Variants in SOX6 observed in about 807,000 individuals in gnomAD.
The protein encoded by SOX6 is SRY-box transcription factor 6, also known as transcription factor SOX-6.
SOX6 carries 11 observed loss-of-function variants against 97.8 expected under a neutral mutation model. The ratio of observed to expected loss-of-function variants is 0.11; its 90% CI spans 0.07 to 0.19. The LOEUF is 0.19. SOX6 is among the 10% of genes least tolerant of loss of function. SOX6 has a pLI of 1.00. For missense variants in SOX6, 810 were observed against 1,039.5 expected (o/e 0.78, Z 3.04); for synonymous variants, 360 against 371.4 (o/e 0.97, Z 0.35).
At chr11:16,123,482 G>C (rs536379353) in intron 6 of SOX6, among the ~76,000 whole-genome samples, 6 of 152,086 alleles carry the variant, frequency 3.9e-5, no homozygotes, top group South Asian at 4.1e-4. Context: ...GGGAGATAAA[G>C]TAAGGCAATA....
chr11:16,564,097 A>G (rs1224981132), intron 4 of SOX6, among the ~76,000 whole-genome samples: 1 of 152,228 alleles, frequency 6.6e-6, no homozygotes, highest in East Asian at 1.9e-4. Flanking sequence ...CACTCTAAAA[A>G]AAATGACTAA....
chr11:16,210,006 T>C (rs1293877269), intron 4 of SOX6, among the ~76,000 whole-genome samples: 1 of 152,122 alleles, frequency 6.6e-6, no homozygotes, highest in Non-Finnish European at 1.5e-5. Flanking sequence ...TAAGACAGTA[T>C]GTGGAGAAAG....
intron 3 of SOX6, among the ~76,000 whole-genome samples, chr11:16,277,282 A>T (rs867766263): frequency 1.3e-5 from 2 of 152,074 alleles, no homozygotes; most frequent in South Asian, 2.1e-4. Context: ...AGAAGAAGAG[A>T]TCTCCCTCTT....
At chr11:16,478,286 T>C (rs2133122389), upstream of SOX6, among the ~76,000 whole-genome samples, 1 of 152,322 alleles carries the variant, frequency 6.6e-6, no homozygotes, top group South Asian at 2.1e-4. Context: ...GCAAGATACA[T>C]GATACATCCT....
At chr11:16,191,700 A>G (rs1000354600) in intron 4 of SOX6, among the ~76,000 whole-genome samples, 2 of 152,146 alleles carry the variant, frequency 1.3e-5, no homozygotes, top group African/African-American at 4.8e-5. Context: ...CACAAACCAC[A>G]AAAAGGGAAC....
chr11:16,187,064 G>T, intron 4 of SOX6, 109 bp from the exon 5 acceptor site: 1 of 1,244,204 alleles, frequency 8.0e-7, no homozygotes, highest in Non-Finnish European at 1.2e-6. Context: ...TTAAAGATCT[G>T]GGACAATGAC....
chr11:16,014,651 T>C (rs1854828285), intron 13 of SOX6, among the ~76,000 whole-genome samples: 1 of 152,144 alleles, frequency 6.6e-6, no homozygotes. Context: ...AGAATTCTGC[T>C]GTTCATTGAA....
intron 1 of SOX6, among the ~76,000 whole-genome samples, chr11:16,365,341 C>G (rs1355020141): frequency 7.6e-6 from 1 of 132,440 alleles, no homozygotes; most frequent in Admixed American, 7.7e-5. Flanking sequence ...GTGTATGTAT[C>G]TTGTATGGTA....
At chr11:16,465,800 A>G (rs1482427417) in intron 1 of SOX6, 2 of 152,250 alleles carry the variant, frequency 1.3e-5, no homozygotes, top group South Asian at 2.1e-4. Context: ...ACTTAAGTTT[A>G]TATCAAACTG....
intron 2 of SOX6, among the ~76,000 whole-genome samples, chr11:16,722,107 T>C (rs1328440301): frequency 6.6e-6 from 1 of 152,056 alleles, no homozygotes; most frequent in Non-Finnish European, 1.5e-5. Context: ...AATACCATCC[T>C]GGACATAAGA....
chr11:16,727,277 T>C lies in SOX6; in HGVS notation n.353+9062A>G, dbSNP rs370721483. Reference sequence around the variant, plus strand: ...AATATATGTACTTCACTTTATATGCTATATTCACCTTGCTTTTTTTTTTTT... The same window carrying C: ...AATATATGTACTTCACTTTATATGCCATATTCACCTTGCTTTTTTTTTTTT... On this transcript the variant is annotated intron_variant and non_coding_transcript_variant, in intron 2 of 5. Coordinates refer to the SOX6 transcript ENST00000524520. 6.7e-5 allele frequency among the ~76,000 whole-genome samples: 10 copies of C among 149,266 alleles called. No individual in the cohort carries two copies. The East Asian group carries it at 2.0e-3, about 29-fold the overall frequency.
chr11:16,107,009 G>A (rs1180009983), intron 7 of SOX6, among the ~76,000 whole-genome samples: 1 of 151,956 alleles, frequency 6.6e-6, no homozygotes, highest in Admixed American at 6.6e-5. Context: ...AATCATTAAG[G>A]AAATGTAAAT....
chr11:16,353,379 C>T (rs1856997126), intron 1 of SOX6, among the ~76,000 whole-genome samples: 1 of 152,050 alleles, frequency 6.6e-6, no homozygotes, highest in African/African-American at 2.4e-5. Context: ...TATATCCTAA[C>T]TTCTGAGGAA....
intron 13 of SOX6, among the ~76,000 whole-genome samples, chr11:15,995,961 T>C (rs191587109): frequency 7.9e-5 from 12 of 152,150 alleles, no homozygotes; most frequent in Admixed American, 3.3e-4. Context: ...CCAAAAGAGA[T>C]ATTCAAGGAA....
chr11:16,268,855 C>T (rs1260042748), intron 3 of SOX6, among the ~76,000 whole-genome samples: 1 of 150,588 alleles, frequency 6.6e-6, no homozygotes, highest in Non-Finnish European at 1.5e-5. Flanking sequence ...TATATATGGA[C>T]AAATATTTTC....
chr11:16,581,974 AAAAG>A (rs1386763374), intron 4 of SOX6, among the ~76,000 whole-genome samples: 131 of 152,020 alleles, frequency 8.6e-4, no homozygotes, highest in African/African-American at 2.0e-3. Flanking sequence ...AAAAAAAAAA[AAAAG>A]AAGAAGAAGA....
chr11:16,511,858 T>G (rs1860883823), intron 4 of SOX6, among the ~76,000 whole-genome samples: 1 of 152,082 alleles, frequency 6.6e-6, no homozygotes, highest in African/African-American at 2.4e-5. Context: ...CTAAGATGAG[T>G]TCCACACATT....
intron 2 of SOX6, among the ~76,000 whole-genome samples, chr11:16,321,389 T>C (rs1855922229): frequency 1.3e-5 from 2 of 152,040 alleles, no homozygotes; most frequent in African/African-American, 4.8e-5. Flanking sequence ...TTCCCATCAC[T>C]GCCAAACTGA....
intron 1 of SOX6, among the ~76,000 whole-genome samples, chr11:16,461,374 C>T (rs1441918488): frequency 1.3e-5 from 2 of 152,082 alleles, no homozygotes; most frequent in East Asian, 1.9e-4. Flanking sequence ...TTTTCAAAAG[C>T]GAAGCTCTTG....
Sources: allele counts gnomAD v4.1 joint callset (sites outside exome capture counted in the v4.1 genomes callset), GRCh38; gene constraint gnomAD v4.1.1; transcripts MANE v1.5; gene names NCBI Gene and HGNC (gene_info 2026-07-23, HGNC 2026-07-21).